MAFK: variants seen among roughly 807,000 people sequenced by gnomAD.
The protein encoded by MAFK is MAF bZIP transcription factor K.
A neutral mutation model predicts 9.2 loss-of-function variants in MAFK; 1 was observed. That is an observed-to-expected ratio of 0.11 (90% CI 0.04 to 0.52). The LOEUF is 0.52. MAFK is among the 20% of genes least tolerant of loss of function. The probability of loss-of-function intolerance (pLI) is 0.94; values close to 1 mark genes in which losing one functional copy is unlikely to be tolerated. For synonymous variants in MAFK, 110 were observed against 107.4 expected (o/e 1.02, Z -0.15); for missense variants, 207 against 236.0 (o/e 0.88, Z 0.81).
intron 1 of MAFK, chr7:1,537,831 CAGGG>C (rs1784071194): frequency 2.5e-6 from 1 of 397,376 alleles, no homozygotes; most frequent in Non-Finnish European, 3.4e-6. Flanking sequence ...CCTGGGCTGG[CAGGG>C]AGGACGGGAT....
chr7:1,534,403 G>T lies in MAFK; in HGVS notation c.-45+3505G>T. 1 of 440,654 alleles carries T rather than the reference G, an allele frequency of 2.3e-6. No homozygotes were observed. The highest frequency in any genetic ancestry group is 4.7e-6 in the Non-Finnish European group (1 of 214,174). The allele number at this position is 440,654 out of a possible 1,614,324, so 27.3% of individuals were successfully genotyped here. ...CCCGGCTTGGGGTCTCTGGCAGAAA[G>T]GCTCCTGGGAGAGGCGGGTACACCT... is the stretch of plus-strand genomic sequence containing the variant. On this transcript the variant is annotated intron_variant, in intron 1 of 2. Coordinates refer to ENST00000343242, the MANE Select transcript of MAFK (RefSeq NM_002360.4). This position sits in a 1 kb window ranked among gnomAD's most constrained non-coding sequence, Gnocchi z 4.3.
At chr7:1,538,254 G>A (rs1583200977) in intron 1 of MAFK, 1 of 985,206 alleles carries the variant, frequency 1.0e-6, no homozygotes, top group Middle Eastern at 5.2e-4. Flanking sequence ...ACGTGAGGAC[G>A]GCGGGGGCGG....
At chr7:1,536,938 G>A (rs1440742987) in intron 1 of MAFK, among the ~76,000 whole-genome samples, 1 of 152,196 alleles carries the variant, frequency 6.6e-6, no homozygotes, top group African/African-American at 2.4e-5. Flanking sequence ...GGGCCGCCTG[G>A]GAGCCCTGCG....
In MAFK at chr7:1,539,198, G is replaced by A. The variant is rs1456108383; in HGVS notation, c.6G>A (p.Thr2=). 5.6e-6 allele frequency: 9 copies of A among 1,612,236 alleles called. No individual in the cohort carries two copies. The highest frequency in any genetic ancestry group is 5.0e-5 in the Admixed American group (3 of 59,558). ...CTGGTGACCGTGCCCGGGTTATGAC[G>A]ACTAATCCCAAACCGAATAAGGCAT... The part of the protein sequence containing the change: M[T]TNPKPNKALK... Residue 2 remains threonine (T), a synonymous_variant, in exon 2 of 3, where the codon ACG becomes ACA. Transcript: ENST00000343242.
chr7:1,531,607 C>T (rs1783907797), intron 1 of MAFK, among the ~76,000 whole-genome samples: 3 of 152,194 alleles, frequency 2.0e-5, no homozygotes, highest in Non-Finnish European at 4.4e-5. Flanking sequence ...GCAGGGGCTC[C>T]GGCCTCTTCC....
At chr7:1,533,120 C>G (rs1319761036) in intron 1 of MAFK, among the ~76,000 whole-genome samples, 1 of 152,212 alleles carries the variant, frequency 6.6e-6, no homozygotes, top group Non-Finnish European at 1.5e-5. Flanking sequence ...ACATGCCCCA[C>G]CCCCCGACCA....
At position 1,540,087 on chromosome 7, in the gene MAFK, C is replaced by T; in HGVS notation, c.183C>T (p.Asn61=). 1.9e-6 allele frequency: 3 copies of T among 1,566,154 alleles called. No homozygotes were observed. Among genetic ancestry groups the T allele is most frequent in the Non-Finnish European group, 1.7e-6 (2 of 1,155,504 alleles). Reference sequence around the variant, plus strand: ...AGCAGCGTCGGCGCACACTCAAGAACCGCGGCTACGCGGCCAGCTGCCGCA... The same window carrying T: ...AGCAGCGTCGGCGCACACTCAAGAATCGCGGCTACGCGGCCAGCTGCCGCA... ...RLKQRRRTLK[N]RGYAASCRIK... The change falls in exon 3 of 3, where the codon AAC becomes AAT. Residue 61 remains asparagine (N), a synonymous_variant. Transcript: ENST00000343242.
chr7:1,536,484 C>T (rs995636333), intron 1 of MAFK, among the ~76,000 whole-genome samples: 1 of 152,208 alleles, frequency 6.6e-6, no homozygotes, highest in African/African-American at 2.4e-5. Flanking sequence ...TGGATGACAC[C>T]CTAAGGCTGC....
chr7:1,533,312 G>A (rs538035658), intron 1 of MAFK, among the ~76,000 whole-genome samples: 11 of 152,354 alleles, frequency 7.2e-5, no homozygotes, highest in East Asian at 1.9e-4. Context: ...CTCGTACAGC[G>A]GGGGCTAGTG....
intron 1 of MAFK, among the ~76,000 whole-genome samples, chr7:1,536,349 C>T (rs1013158902): frequency 1.3e-5 from 2 of 152,284 alleles, no homozygotes; most frequent in South Asian, 2.1e-4. Flanking sequence ...GCGAGGACGT[C>T]GTTCCTCGGG....
chr7:1,538,377 C>T (rs1189442869), intron 1 of MAFK: 2 of 985,218 alleles, frequency 2.0e-6, no homozygotes, highest in Non-Finnish European at 2.4e-6. Flanking sequence ...GAACCCCACA[C>T]CCCCTTGGGC....
chr7:1,535,862 C>G (rs1295452709), intron 1 of MAFK, among the ~76,000 whole-genome samples: 1 of 152,200 alleles, frequency 6.6e-6, no homozygotes, highest in Non-Finnish European at 1.5e-5. Context: ...GGCCCTCAGT[C>G]TGGATCCTGG....
At chr7:1,533,540 G>A (rs1333276914) in intron 1 of MAFK, among the ~76,000 whole-genome samples, 2 of 152,220 alleles carry the variant, frequency 1.3e-5, no homozygotes, top group Non-Finnish European at 2.9e-5. Flanking sequence ...TGGGGTGGGG[G>A]AGTCGGGGTT....
rs751432485 is a variant in MAFK, at chr7:1,540,660, C to T, written c.*285C>T. 14 of 440,722 alleles carry T rather than the reference C, an allele frequency of 3.2e-5. No homozygotes were observed. Among genetic ancestry groups the T allele is most frequent in the African/African-American group, 6.2e-5 (3 of 48,024 alleles). 27.3% of individuals were successfully genotyped at this position (440,722 alleles called of 1,614,324 possible). On this transcript the variant is annotated 3_prime_UTR_variant, in exon 3 of 3. Coordinates refer to ENST00000343242, the MANE Select transcript of MAFK (RefSeq NM_002360.4). ...ATTGGTATCTTGCACCCGTGGGAGTCGGGACATATAATGGAAAGGCCCTCG... is the reference window on the plus strand; with the variant it reads ...ATTGGTATCTTGCACCCGTGGGAGTTGGGACATATAATGGAAAGGCCCTCG...
intron 1 of MAFK, among the ~76,000 whole-genome samples, chr7:1,533,697 G>A (rs760680797): frequency 1.5e-4 from 23 of 152,210 alleles, no homozygotes; most frequent in Non-Finnish European, 2.5e-4. Flanking sequence ...GGGTTCAGGC[G>A]GGTGATGCTT....
rs767691957 is a variant in MAFK, at chr7:1,541,632, G to C, written c.*1257G>C. ...AGTCCAGGAGAGCTTCGTGGACGTG[G>C]CTCCTGCGCGCACACCCCCAGGAGC... On this transcript the variant is annotated 3_prime_UTR_variant, in exon 3 of 3. Transcript: ENST00000343242. 9.7e-4 allele frequency: 148 copies of C among 152,312 alleles called. 1 individual carries two copies. The highest frequency in any genetic ancestry group is 2.0e-3 in the Non-Finnish European group (133 of 68,090). 9.4% of individuals were successfully genotyped at this position (152,312 alleles called of 1,614,324 possible).
chr7:1,542,374 G>C lies in MAFK; in HGVS notation c.*1999G>C, dbSNP rs1485705478. ...GGAGTTGGGAGCAAAGCGGAGGCCC[G>C]GGCTGCCCGCCGTCCCCCTTCATCT... On this transcript the variant is annotated 3_prime_UTR_variant, in exon 3 of 3. Coordinates refer to ENST00000343242, the MANE Select transcript of MAFK (RefSeq NM_002360.4). 6.6e-6 allele frequency: 1 copy of C among 152,500 alleles called. No individual in the cohort carries two copies. The highest frequency in any genetic ancestry group is 2.4e-5 in the African/African-American group (1 of 41,384). The allele number at this position is 152,500 out of a possible 1,614,324, so 9.4% of individuals were successfully genotyped here.
At chr7:1,536,308 GTTTTGTTAGCTGC>G (rs1480174660) in intron 1 of MAFK, among the ~76,000 whole-genome samples, 2 of 152,198 alleles carry the variant, frequency 1.3e-5, no homozygotes, top group African/African-American at 4.8e-5. Context: ...CGATGCTGGT[GTTTTGTTAGCTGC>G]TGGGCGTAAG....
rs529120153 is a variant in MAFK, at chr7:1,534,180, T to C, written c.-45+3282T>C. 2.2e-6 allele frequency: 1 copy of C among 451,252 alleles called. No individual in the cohort carries two copies. Among genetic ancestry groups the C allele is most frequent in the African/African-American group, 2.0e-5 (1 of 50,032 alleles). 28.0% of individuals were successfully genotyped at this position (451,252 alleles called of 1,614,324 possible). On this transcript the variant is annotated intron_variant, in intron 1 of 2. Transcript: ENST00000343242. This position sits in a 1 kb window ranked among gnomAD's most constrained non-coding sequence, Gnocchi z 4.3. ...CCAAGTGGGGTGCCTCCCGCATGCT[T>C]AGTGGGGCTGTGTCCGGGACAGCCG...
Sources: gnomAD v4.1 joint callset for allele counts (sites outside exome capture counted in the v4.1 genomes callset) on GRCh38, gnomAD v4.1.1 for gene constraint, Gnocchi (gnomAD v3.1) non-coding constraint, MANE v1.5 for transcripts, NCBI Gene and HGNC (gene_info 2026-07-23, HGNC 2026-07-21) for gene names.